CALML4: variants seen among roughly 807,000 people sequenced by gnomAD.
The protein encoded by CALML4 is calmodulin like 4, also known as calmodulin-like protein 4.
Under a neutral mutation model 17.9 loss-of-function variants are expected in CALML4, and 16 were observed. That is an observed-to-expected ratio of 0.89 (90% CI 0.61 to 1.36). CALML4 has a LOEUF of 1.36. Among genes scored for constraint, CALML4 ranks in the 40% most tolerant of loss-of-function variants. The pLI, the probability that CALML4 is intolerant of heterozygous loss-of-function variation, is 0.00. For synonymous variants in CALML4, 86 were observed against 71.5 expected (o/e 1.20, Z -1.02); for missense variants, 203 against 194.8 (o/e 1.04, Z -0.25).
At chr15:68,194,486 C>T (rs1441287673) in intron 4 of CALML4, among the ~76,000 whole-genome samples, 1 of 151,596 alleles carries the variant, frequency 6.6e-6, no homozygotes, top group Admixed American at 6.6e-5. Flanking sequence ...CAGGTTCAAG[C>T]GATTCTCCTG....
rs74020073 is a variant in CALML4 at position 68,200,390 on chromosome 15, A to C, written c.35-709T>G. ...AGACTTCAAAGGGTCCTGCTGGGAA[A>C]TTCTCCCAGGGTCTGAAGCCCTTTC... On this transcript the variant is annotated intron_variant, in intron 2 of 4. Coordinates refer to ENST00000467889, the MANE Select transcript of CALML4 (RefSeq NM_033429.3). The surrounding 1 kb of genome is among the most constrained non-coding windows in gnomAD (Gnocchi z 4.3). 6.6e-6 allele frequency among the ~76,000 whole-genome samples: 1 copy of C among 152,140 alleles called. No individual in the cohort carries two copies. Among genetic ancestry groups the C allele is most frequent in the Non-Finnish European group, 1.5e-5 (1 of 68,032 alleles).
Position 68,205,270 on chromosome 15 carries a change from G to A in CALML4, c.-23C>T, listed in dbSNP as rs140004023. 1.4e-5 allele frequency: 22 copies of A among 1,613,970 alleles called. No individual in the cohort carries two copies. Among genetic ancestry groups the A allele is most frequent in the South Asian group, 6.6e-5 (6 of 91,082 alleles). On this transcript the variant is annotated 5_prime_UTR_variant, in exon 1 of 5. In the 5' UTR this introduces an upstream ATG that the reference lacks. Transcript: ENST00000467889. The surrounding 1 kb of genome is among the most constrained non-coding windows in gnomAD (Gnocchi z 4.8). ...CATTCTGGGGCCTCGGCTGCTACCC[G>A]TGGGCTTGCTGCTCCCAGAACCGCG...
Position 68,205,092 on chromosome 15 carries a change from T to A in CALML4, c.34+29A>T. The A allele has an allele frequency of 6.2e-7, 1 of 1,612,882 alleles. No individual in the cohort carries two copies. On this transcript the variant is annotated intron_variant, in intron 2 of 4. Transcript: ENST00000467889. The surrounding 1 kb of genome is among the most constrained non-coding windows in gnomAD (Gnocchi z 4.8). ...CTAATGAGACCCATATTTTGCTGAG[T>A]TGCTAATCAAAGAACAAACCCAACC...
upstream of CALML4, chr15:68,205,719 C>CA (rs139477369): frequency 0.035 from 10,234 of 288,286 alleles, 220 homozygotes; most frequent in African/African-American, 0.055. This position sits in a 1 kb window ranked among gnomAD's most constrained non-coding sequence, Gnocchi z 4.8. Flanking sequence ...CGGCCTAACT[C>CA]AGAGATGGGC....
At position 68,197,939 on chromosome 15, in the gene CALML4, T is replaced by G; in HGVS notation, c.176-311A>C. The G allele has an allele frequency of 3.3e-6, 1 of 303,330 alleles. No individual in the cohort carries two copies. The allele number at this position is 303,330 out of a possible 1,614,324, so 18.8% of individuals were successfully genotyped here. On this transcript the variant is annotated intron_variant, in intron 3 of 4. Coordinates refer to ENST00000467889, the MANE Select transcript of CALML4 (RefSeq NM_033429.3). This position sits in a 1 kb window ranked among gnomAD's most constrained non-coding sequence, Gnocchi z 4.1. ...GGCTCCTCTGCTCCCTTCTAGCGCT[T>G]CCCTCCTGCCCTGAACTGGAGGGAA...
At position 68,197,315 on chromosome 15, in the gene CALML4, G is replaced by T; in HGVS notation, c.364+125C>A. 1.2e-6 allele frequency: 1 copy of T among 848,270 alleles called. No homozygotes were observed. The highest frequency in any genetic ancestry group is 1.8e-6 in the Non-Finnish European group (1 of 545,104). 52.5% of individuals were successfully genotyped at this position (848,270 alleles called of 1,614,324 possible). On this transcript the variant is annotated intron_variant, in intron 4 of 4. Coordinates refer to ENST00000467889, the MANE Select transcript of CALML4 (RefSeq NM_033429.3). The surrounding 1 kb of genome is among the most constrained non-coding windows in gnomAD (Gnocchi z 4.1). ...CCACCTAGTGTGGCATCTGCTCACA[G>T]TCTCCTGCGCGCGCATCAACAGAGG...
intron 4 of CALML4, among the ~76,000 whole-genome samples, chr15:68,194,732 C>CCCATATTTCTA: frequency 6.6e-6 from 1 of 152,044 alleles, no homozygotes; most frequent in Non-Finnish European, 1.5e-5. Flanking sequence ...GACCCCTGTG[C>CCCATATTTCTA]CCATATTTCT....
In CALML4 at chr15:68,191,024, G is replaced by T. The variant is rs2093117238; in HGVS notation, c.*2991C>A. The T allele has an allele frequency of 6.6e-6, 1 of 152,338 alleles. No individual in the cohort carries two copies. Among genetic ancestry groups the T allele is most frequent in the Admixed American group, 6.5e-5 (1 of 15,278 alleles). The allele number at this position is 152,338 out of a possible 1,614,324, so 9.4% of individuals were successfully genotyped here. On this transcript the variant is annotated 3_prime_UTR_variant, in exon 5 of 5. Transcript: ENST00000467889. ...AATTTTAAACACATAAAACTTTCAA[G>T]ATCTTCAGGACTTTTTAAAGCACAT...
chr15:68,198,486 C>T (rs1320859348), intron 3 of CALML4: 1 of 152,286 alleles, frequency 6.6e-6, no homozygotes, highest in East Asian at 1.9e-4. Flanking sequence ...TCCCCTGCGC[C>T]AGTCCCTCCT....
rs550431346 is a variant in CALML4, at chr15:68,199,520, G to C, written c.175+21C>G. ...CCTGCTGGGCCCCTCCCCTCTCCCC[G>C]TTGTTCCCACCACCACTCACCTATC... On this transcript the variant is annotated intron_variant, in intron 3 of 4. Transcript: ENST00000467889. 15 of 1,598,754 alleles carry C rather than the reference G, an allele frequency of 9.4e-6. No individual in the cohort carries two copies. In the South Asian group the frequency reaches 1.7e-4, roughly 18 times the overall value.
At chr15:68,195,685 C>T (rs1190670661) in intron 4 of CALML4, among the ~76,000 whole-genome samples, 2 of 152,218 alleles carry the variant, frequency 1.3e-5, no homozygotes, top group Non-Finnish European at 2.9e-5. Flanking sequence ...TGAAAATTGT[C>T]TTTCGATCAC....
intron 2 of CALML4, among the ~76,000 whole-genome samples, chr15:68,203,003 T>G (rs574564626): frequency 4.6e-5 from 7 of 152,162 alleles, no homozygotes; most frequent in Admixed American, 2.6e-4. Flanking sequence ...TTAGTAGAGA[T>G]AGGGTTTCAC....
intron 4 of CALML4, among the ~76,000 whole-genome samples, chr15:68,195,014 C>G (rs1233909826): frequency 7.3e-6 from 1 of 137,034 alleles, no homozygotes; most frequent in Non-Finnish European, 1.6e-5. Flanking sequence ...TCACAGTATA[C>G]AAAACAAAAC....
At position 68,204,739 on chromosome 15, in the gene CALML4, C is replaced by T. The variant is rs1243506682; in HGVS notation, c.34+382G>A. 6.6e-6 allele frequency among the ~76,000 whole-genome samples: 1 copy of T among 152,092 alleles called. No homozygotes were observed. The highest frequency in any genetic ancestry group is 1.5e-5 in the Non-Finnish European group (1 of 68,006). ...GACGCATCCTGCCAGAGAGTGCAGA[C>T]CTGGCCTCTGTTCTGTCTCAATTAC... On this transcript the variant is annotated intron_variant, in intron 2 of 4. Coordinates refer to ENST00000467889, the MANE Select transcript of CALML4 (RefSeq NM_033429.3). This position sits in a 1 kb window ranked among gnomAD's most constrained non-coding sequence, Gnocchi z 6.0.
In CALML4 at chr15:68,193,794, C is replaced by CA. The variant is rs1436590379; in HGVS notation, c.*220dup. 8.4e-5 allele frequency: 41 copies of CA among 487,828 alleles called. No homozygotes were observed. The highest frequency in any genetic ancestry group is 1.1e-4 in the Non-Finnish European group (31 of 271,210). 30.2% of individuals were successfully genotyped at this position (487,828 alleles called of 1,614,324 possible). On this transcript the variant is annotated 3_prime_UTR_variant, in exon 5 of 5. Coordinates refer to ENST00000467889, the MANE Select transcript of CALML4 (RefSeq NM_033429.3). ...CTTCCATGCTTGAAAGGGCCGGACT[C>CA]ACGGTAGTTAATAAAATCAATACAA...
chr15:68,202,884 G>A (rs1028841964), intron 2 of CALML4, among the ~76,000 whole-genome samples: 9 of 142,292 alleles, frequency 6.3e-5, no homozygotes, highest in African/African-American at 2.4e-4. Flanking sequence ...GCTCAATCTC[G>A]GTTCACTGCA....
At chr15:68,199,925 C>T (rs1180264335) in intron 2 of CALML4, 1 of 331,890 alleles carries the variant, frequency 3.0e-6, no homozygotes, top group Non-Finnish European at 5.4e-6. Context: ...AGGACATATA[C>T]TTCTATTGGA....
rs2093175937 is a variant in CALML4, at chr15:68,204,591, G to C, written c.34+530C>G. On this transcript the variant is annotated intron_variant, in intron 2 of 4. Coordinates refer to ENST00000467889, the MANE Select transcript of CALML4 (RefSeq NM_033429.3). The surrounding 1 kb of genome is among the most constrained non-coding windows in gnomAD (Gnocchi z 6.0). ...GGTGTGAAACTGAAGCCTGGTCGAG[G>C]GCTGGCAGAGTAGGGGACCCAGGGA... Among the ~76,000 whole-genome samples the C allele has an allele frequency of 6.6e-6, 1 of 152,176 alleles. No individual in the cohort carries two copies. Among genetic ancestry groups the C allele is most frequent in the African/African-American group, 2.4e-5 (1 of 41,446 alleles).
intron 2 of CALML4, among the ~76,000 whole-genome samples, chr15:68,203,207 C>T (rs1196471794): frequency 2.0e-5 from 3 of 152,196 alleles, no homozygotes; most frequent in African/African-American, 7.2e-5. Flanking sequence ...GCCTCGGCCT[C>T]CCAAAGTGCT....
Sources: gnomAD v4.1 joint callset for allele counts (sites outside exome capture counted in the v4.1 genomes callset) on GRCh38, gnomAD v4.1.1 for gene constraint, Gnocchi (gnomAD v3.1) non-coding constraint, MANE v1.5 for transcripts, NCBI Gene and HGNC (gene_info 2026-07-23, HGNC 2026-07-21) for gene names.